Variants in CCNH observed in about 807,000 individuals in gnomAD.
CCNH encodes the protein cyclin H.
CCNH carries 31 observed loss-of-function variants against 41.9 expected under a neutral mutation model. The observed-to-expected ratio is 0.74, with a 90% CI of 0.56 to 1.00. CCNH has a LOEUF of 1.00. CCNH is among the 50% of genes least tolerant of loss of function. The pLI is 0.00. For synonymous variants in CCNH, 138 were observed against 136.1 expected, an observed-to-expected ratio of 1.01 and a Z score of -0.10; for missense variants, 362 against 388.4, an observed-to-expected ratio of 0.93 and a Z score of 0.57.
chr5:87,312,205 A>G, the CCNH span, among the ~76,000 whole-genome samples: 2 of 152,254 alleles, frequency 1.3e-5, no homozygotes, highest in Non-Finnish European at 2.9e-5. Flanking sequence ...CATTTCATTT[A>G]ACTTATATGT....
chr5:87,311,885 T>C, the CCNH span, among the ~76,000 whole-genome samples: 3 of 152,234 alleles, frequency 2.0e-5, no homozygotes, highest in African/African-American at 7.2e-5. Context: ...GCACTCTTAT[T>C]AAGCAGGATA....
In CCNH at chr5:87,332,525, A is replaced by C. The variant is rs762566440; in HGVS notation, c.*91-13628T>G. 1.9e-6 allele frequency: 3 copies of C among 1,606,864 alleles called. No individual in the cohort carries two copies. The African/African-American group carries it at 4.0e-5, about 22-fold the overall frequency. Reference sequence around the variant, plus strand: ...CAAATAGGATTATTGCTATGTGTGGAGATTACTACATTGGTGGAAGACGTT... The same window carrying C: ...CAAATAGGATTATTGCTATGTGTGGCGATTACTACATTGGTGGAAGACGTT... On this transcript the variant is annotated intron_variant and NMD_transcript_variant, in intron 9 of 9. Coordinates refer to the CCNH transcript ENST00000645953.
chr5:87,326,500 C>T (rs1757240288), intron 9 of CCNH, among the ~76,000 whole-genome samples: 1 of 152,100 alleles, frequency 6.6e-6, no homozygotes, highest in Non-Finnish European at 1.5e-5. Context: ...CATGTATGTA[C>T]TTCTTGAATT....
In CCNH at chr5:87,338,855, T is replaced by A. The variant is rs563594189; in HGVS notation, c.*91-19958A>T. Among the ~76,000 whole-genome samples, 17 of 152,226 alleles carry A rather than the reference T, an allele frequency of 1.1e-4. No homozygotes were observed. In the South Asian group the frequency reaches 3.5e-3, roughly 32 times the overall value. ...ATTCATTTATATTATACATATATTATCACATGGTTCTACATTTTGAATCTC... is the reference window on the plus strand; with the variant it reads ...ATTCATTTATATTATACATATATTAACACATGGTTCTACATTTTGAATCTC... On this transcript the variant is annotated intron_variant and NMD_transcript_variant, in intron 9 of 9. Transcript: ENST00000645953.
downstream of CCNH, among the ~76,000 whole-genome samples, chr5:87,375,447 G>C (rs1357788920): frequency 1.3e-5 from 2 of 152,120 alleles, no homozygotes; most frequent in Non-Finnish European, 2.9e-5. Flanking sequence ...TTTTAGTAGA[G>C]ACGGGGTTTC....
chr5:87,362,698 C>A (rs2112457579), intron 9 of CCNH: 1 of 1,594,486 alleles, frequency 6.3e-7, no homozygotes, highest in Non-Finnish European at 8.6e-7. Context: ...ATCATTAACC[C>A]ATTTGATAGA....
intron 8 of CCNH, 62 bp from the exon 9 acceptor site, chr5:87,394,546 T>C (rs1306966768): frequency 6.3e-7 from 1 of 1,596,838 alleles, no homozygotes; most frequent in African/African-American, 1.4e-5. Flanking sequence ...TGTTTACCTC[T>C]TACCTCCCTT....
intron 9 of CCNH, among the ~76,000 whole-genome samples, chr5:87,348,478 T>C (rs1450496135): frequency 6.6e-6 from 1 of 152,022 alleles, no homozygotes; most frequent in African/African-American, 2.4e-5. Context: ...ATATTTAATA[T>C]ATGATAATTT....
intron 1 of CCNH, chr5:87,412,450 G>A: frequency 2.2e-6 from 3 of 1,390,042 alleles, no homozygotes; most frequent in Non-Finnish European, 1.9e-6. Context: ...TCTTCACTAC[G>A]TTACAAAGAC....
At chr5:87,367,582 A>G (rs541175885) in intron 9 of CCNH, among the ~76,000 whole-genome samples, 2 of 152,288 alleles carry the variant, frequency 1.3e-5, no homozygotes, top group Admixed American at 6.5e-5. Context: ...TAAGCACTCC[A>G]TTTCCTTGTA....
chr5:87,359,581 A>T (rs1484730335), intron 9 of CCNH, among the ~76,000 whole-genome samples: 1 of 152,162 alleles, frequency 6.6e-6, no homozygotes, highest in Admixed American at 6.5e-5. Flanking sequence ...ACATGTCTTA[A>T]ATGACAGACT....
At chr5:87,335,852 T>C (rs1757939183) in intron 9 of CCNH, among the ~76,000 whole-genome samples, 1 of 152,220 alleles carries the variant, frequency 6.6e-6, no homozygotes, top group African/African-American at 2.4e-5. Flanking sequence ...AAAAGATTCA[T>C]TTAAAGTGCA....
chr5:87,366,828 T>A (rs1213864262), intron 9 of CCNH, among the ~76,000 whole-genome samples: 1 of 152,158 alleles, frequency 6.6e-6, no homozygotes, highest in Non-Finnish European at 1.5e-5. Context: ...GCTCAGGGGT[T>A]GGAGACCAGC....
rs1208481094 is a variant in CCNH at position 87,412,837 on chromosome 5, C to T, written c.-43G>A. The T allele has an allele frequency of 5.0e-6, 8 of 1,596,114 alleles. No homozygotes were observed. Among genetic ancestry groups the T allele is most frequent in the South Asian group, 1.1e-5 (1 of 90,712 alleles). On this transcript the variant is annotated 5_prime_UTR_variant, in exon 1 of 9. Coordinates refer to ENST00000256897, the MANE Select transcript of CCNH (RefSeq NM_001239.4). ...GTCCAGAGGGTCTGCAGACGAGAAC[C>T]CAAACGCATCAGCGTCCTGGCGTAA...
chr5:87,338,758 T>C (rs1383929174), intron 9 of CCNH, among the ~76,000 whole-genome samples: 17 of 151,302 alleles, frequency 1.1e-4, no homozygotes, highest in Non-Finnish European at 2.9e-5. Flanking sequence ...AAACCTCAAC[T>C]GGTTACACAT....
chr5:87,377,843 T>C (rs1761430817), upstream of CCNH, among the ~76,000 whole-genome samples: 6 of 152,176 alleles, frequency 3.9e-5, no homozygotes, highest in Admixed American at 2.0e-4. Flanking sequence ...AGAACTATTT[T>C]CCTCCTCATC....
chr5:87,331,964 A>G (rs1233046549), intron 9 of CCNH, among the ~76,000 whole-genome samples: 2 of 152,128 alleles, frequency 1.3e-5, no homozygotes, highest in Non-Finnish European at 2.9e-5. Context: ...ATATAAACAT[A>G]TTTACCCATA....
rs1166038228 is a variant in CCNH, at chr5:87,399,438, C to G, written c.828G>C (p.Lys276Asn). The G allele has an allele frequency of 6.2e-7, 1 of 1,614,010 alleles. No homozygotes were observed. Reference protein sequence around the residue: ...RSEEVAVLKQKLERCHSAELA... With the variant: ...RSEEVAVLKQNLERCHSAELA... ...GCTCAGCAGAATGACATCGCTCCAACTTCTGTTTCAGAACAGCAACTTCTT... is the reference window on the plus strand; with the variant it reads ...GCTCAGCAGAATGACATCGCTCCAAGTTCTGTTTCAGAACAGCAACTTCTT... The change falls in exon 7 of 9, where the codon AAG becomes AAC. Residue 276 changes from lysine to asparagine, a missense_variant. Physicochemically the swap from Lys to Asn is moderately conservative, Grantham distance 94 (BLOSUM62 0). Coordinates refer to ENST00000256897, the MANE Select transcript of CCNH (RefSeq NM_001239.4).
downstream of CCNH, chr5:87,391,589 CAAGTA>C (rs1278538799): frequency 8.1e-5 from 19 of 234,886 alleles, no homozygotes; most frequent in South Asian, 3.5e-4. Context: ...TAAATGTTTA[CAAGTA>C]AATAGTTTGA....
Sources: allele counts gnomAD v4.1 joint callset (sites outside exome capture counted in the v4.1 genomes callset), GRCh38; gene constraint gnomAD v4.1.1; transcripts MANE v1.5; gene names NCBI Gene and HGNC (gene_info 2026-07-23, HGNC 2026-07-21).